The following PCDH15 variants were observed in gnomAD, a reference collection of about 807,000 sequenced individuals.
The protein encoded by PCDH15 is protocadherin-15.
In PCDH15, 129 loss-of-function variants were observed where a neutral mutation model predicts 178.5. The ratio of observed to expected loss-of-function variants is 0.72; its 90% CI spans 0.63 to 0.84. The LOEUF (loss-of-function observed/expected upper bound fraction) is 0.84. PCDH15 is among the 40% of genes least tolerant of loss of function. The pLI is 0.00. For missense variants in PCDH15, 2,230 were observed against 2,099.9 expected, an observed-to-expected ratio of 1.06 and a Z score of -1.21; for synonymous variants, 800 against 732.0, an observed-to-expected ratio of 1.09 and a Z score of -1.50.
At chr10:54,225,888 T>A (rs1282532227) in intron 9 of PCDH15, among the ~76,000 whole-genome samples, 1 of 152,204 alleles carries the variant, frequency 6.6e-6, no homozygotes, top group African/African-American at 2.4e-5. Flanking sequence ...CTGTATGTTT[T>A]AGGGACAAGC....
At chr10:53,807,812 C>CTATAAATATTTATAAA (rs1841299246) in intron 37 of PCDH15, among the ~76,000 whole-genome samples, 3 of 152,056 alleles carry the variant, frequency 2.0e-5, no homozygotes, top group Non-Finnish European at 4.4e-5. Flanking sequence ...AAACTGAAAG[C>CTATAAATATTTATAAA]TAATTATTAT....
intron 3 of PCDH15, among the ~76,000 whole-genome samples, chr10:54,396,106 T>C (rs914362726): frequency 3.3e-5 from 5 of 152,126 alleles, no homozygotes; most frequent in African/African-American, 9.7e-5. Flanking sequence ...CCTTCCCCTC[T>C]AAACCGGGGA....
intron 2 of PCDH15, among the ~76,000 whole-genome samples, chr10:54,583,176 AC>A (rs1225859028): frequency 6.6e-6 from 1 of 152,118 alleles, no homozygotes; most frequent in African/African-American, 2.4e-5. Context: ...TCCTTTTTTA[AC>A]TTTATGAAAA....
chr10:55,143,088 C>G (rs951043528), intron 2 of PCDH15, among the ~76,000 whole-genome samples: 1 of 151,824 alleles, frequency 6.6e-6, no homozygotes, highest in Admixed American at 6.6e-5. Context: ...CGCGCTCGCG[C>G]TCTCTCTCTC....
chr10:55,438,563 A>T (rs1184169652), intron 2 of PCDH15, among the ~76,000 whole-genome samples: 2 of 152,130 alleles, frequency 1.3e-5, no homozygotes, highest in Non-Finnish European at 2.9e-5. Context: ...CTCTACAAAT[A>T]AGCCAACAAT....
intron 2 of PCDH15, among the ~76,000 whole-genome samples, chr10:54,569,821 C>T (rs760384103): frequency 6.6e-6 from 1 of 152,088 alleles, no homozygotes; most frequent in Non-Finnish European, 1.5e-5. Flanking sequence ...TTTAGTTTCT[C>T]ACTCAAGACT....
chr10:54,192,239 A>G (rs896345518), intron 11 of PCDH15, among the ~76,000 whole-genome samples: 3 of 151,416 alleles, frequency 2.0e-5, no homozygotes, highest in African/African-American at 7.3e-5. Flanking sequence ...AGAGGGAGAG[A>G]GGGAGAGAGG....
At chr10:54,309,155 G>A (rs2060737865) in intron 8 of PCDH15, among the ~76,000 whole-genome samples, 2 of 151,878 alleles carry the variant, frequency 1.3e-5, no homozygotes, top group Non-Finnish European at 2.9e-5. Flanking sequence ...AAAAACAAAA[G>A]GAGACATTAT....
intron 1 of PCDH15, among the ~76,000 whole-genome samples, chr10:54,728,957 A>C (rs1942962962): frequency 6.6e-6 from 1 of 151,668 alleles, no homozygotes. Context: ...TACCATGCTC[A>C]TGGATAACAA....
intron 2 of PCDH15, among the ~76,000 whole-genome samples, chr10:55,395,016 T>C (rs1837886435): frequency 6.6e-6 from 1 of 152,016 alleles, no homozygotes; most frequent in South Asian, 2.1e-4. Context: ...ACTATGAAAA[T>C]AAATGTTAAA....
chr10:54,245,070 G>A (rs2055787545), intron 8 of PCDH15, among the ~76,000 whole-genome samples: 1 of 152,064 alleles, frequency 6.6e-6, no homozygotes, highest in Non-Finnish European at 1.5e-5. Flanking sequence ...CAGGGACTGT[G>A]TGAGCACTCC....
chr10:54,085,673 A>G (rs2094504196), intron 16 of PCDH15, among the ~76,000 whole-genome samples: 1 of 152,180 alleles, frequency 6.6e-6, no homozygotes, highest in South Asian at 2.1e-4. Context: ...TGTGATTTTT[A>G]AAAAACCAAG....
In PCDH15 at chr10:54,316,544, A is replaced by G. The variant is rs879351907; in HGVS notation, c.876+727T>C. ...AATATGTGTATACACACACACACACACACACACACACACACACACACACAC... is the reference window on the plus strand; with the variant it reads ...AATATGTGTATACACACACACACACGCACACACACACACACACACACACAC... On this transcript the variant is annotated intron_variant, in intron 8 of 37. Coordinates refer to ENST00000644397, the MANE Select transcript of PCDH15 (RefSeq NM_001384140.1). 3.2e-3 allele frequency among the ~76,000 whole-genome samples: 308 copies of G among 97,074 alleles called. 1 individual carries two copies. The highest frequency in any genetic ancestry group is 6.0e-3 in the Middle Eastern group (1 of 168). 63.7% of individuals were successfully genotyped at this position (97,074 alleles called of 152,430 possible).
rs1379159444 is a variant in PCDH15 at position 55,250,508 on chromosome 10, A to C, written c.-156+69091T>G. On this transcript the variant is annotated intron_variant, in intron 1 of 5. Transcript: ENST00000458638. ...AAAAAAAAAAACTAGTCAATACCAA[A>C]ATGACCTAAGAAATTTAAATAAATT... Among the ~76,000 whole-genome samples, 3 of 150,624 alleles carry C rather than the reference A, an allele frequency of 2.0e-5. No individual in the cohort carries two copies. In the East Asian group the frequency reaches 5.8e-4, roughly 29 times the overall value.
chr10:54,656,887 C>T (rs1408795882), intron 2 of PCDH15, among the ~76,000 whole-genome samples: 1 of 152,190 alleles, frequency 6.6e-6, no homozygotes, highest in Non-Finnish European at 1.5e-5. Context: ...CTCTTGCAGA[C>T]ACAGCAGAGG....
intron 3 of PCDH15, among the ~76,000 whole-genome samples, chr10:54,462,507 C>CTT (rs71461244): frequency 3.4e-4 from 34 of 98,794 alleles, no homozygotes; most frequent in East Asian, 1.1e-3. Context: ...TTTTCTTTTT[C>CTT]TTTTCTTTTT....
intron 2 of PCDH15, among the ~76,000 whole-genome samples, chr10:54,635,558 A>G (rs977096570): frequency 4.6e-5 from 7 of 151,882 alleles, no homozygotes; most frequent in African/African-American, 7.2e-5. Flanking sequence ...ATAATACATT[A>G]AGCATTGTGT....
intron 2 of PCDH15, among the ~76,000 whole-genome samples, chr10:54,965,608 CA>C: frequency 7.1e-6 from 1 of 141,436 alleles, no homozygotes; most frequent in East Asian, 2.1e-4. Context: ...AACTTTGCTT[CA>C]TATATATATA....
intron 2 of PCDH15, among the ~76,000 whole-genome samples, chr10:55,414,802 TG>T (rs1838437164): frequency 6.7e-6 from 1 of 148,356 alleles, no homozygotes; most frequent in Non-Finnish European, 1.5e-5. Flanking sequence ...TGTGTGTGTG[TG>T]TCTGTGTGTG....
Sources: gnomAD v4.1 joint callset for allele counts (sites outside exome capture counted in the v4.1 genomes callset) on GRCh38, gnomAD v4.1.1 for gene constraint, MANE v1.5 for transcripts, NCBI Gene and HGNC (gene_info 2026-07-23, HGNC 2026-07-21) for gene names.